Variants in DNAI7 observed in about 807,000 individuals in gnomAD.
DNAI7 encodes the protein dynein axonemal intermediate chain 7.
DNAI7 carries 78 observed loss-of-function variants against 86.6 expected under a neutral mutation model. That is an observed-to-expected ratio of 0.90 (90% CI 0.75 to 1.09). The LOEUF (loss-of-function observed/expected upper bound fraction) is 1.09, where lower values mean the gene tolerates loss of function less well. Among genes scored for constraint, DNAI7 ranks in the 50% least tolerant of loss-of-function variants. The pLI, the probability that DNAI7 is intolerant of heterozygous loss-of-function variation, is 0.00. For synonymous variants in DNAI7, 274 were observed against 273.0 expected (o/e 1.00, Z -0.04); for missense variants, 753 against 810.2 (o/e 0.93, Z 0.86).
At chr12:25,154,233 TG>T in intron 6 of DNAI7, 85 bp downstream of exon 6, 6 of 1,094,152 alleles carry the variant, frequency 5.5e-6, no homozygotes, top group Non-Finnish European at 6.5e-6. Context: ...TGTTATTACT[TG>T]GCAAATGATA....
chr12:25,180,635 C>T (rs1333974612), intron 2 of DNAI7, among the ~76,000 whole-genome samples: 2 of 152,146 alleles, frequency 1.3e-5, no homozygotes, highest in South Asian at 2.1e-4. Context: ...CATACACCTA[C>T]AACCAACTGA....
chr12:25,110,362 A>G (rs1257431435), intron 14 of DNAI7, 122 bp from the exon 15 acceptor site: 4 of 635,038 alleles, frequency 6.3e-6, no homozygotes, highest in Admixed American at 2.7e-5. Context: ...AAGTCAGAGT[A>G]CATGACTCCT....
chr12:25,183,706 G>A (rs1372236467), intron 2 of DNAI7, among the ~76,000 whole-genome samples: 1 of 151,874 alleles, frequency 6.6e-6, no homozygotes, highest in Non-Finnish European at 1.5e-5. Flanking sequence ...CATATTGCTG[G>A]AATCTTTATT....
At chr12:25,126,483 T>C (rs1486217520) in intron 9 of DNAI7, among the ~76,000 whole-genome samples, 1 of 151,900 alleles carries the variant, frequency 6.6e-6, no homozygotes, top group African/African-American at 2.4e-5. Flanking sequence ...TAGAAGGAGC[T>C]TATAGGAGAG....
chr12:25,180,713 A>G (rs1179215705), intron 2 of DNAI7, among the ~76,000 whole-genome samples: 1 of 152,226 alleles, frequency 6.6e-6, no homozygotes, highest in Non-Finnish European at 1.5e-5. Context: ...AAATGATGCT[A>G]GGAAAACTGG....
intron 1 of DNAI7, chr12:25,192,601 G>A (rs1385002395): frequency 2.0e-5 from 3 of 151,828 alleles, no homozygotes; most frequent in Non-Finnish European, 2.9e-5. Flanking sequence ...CCGAGGCAGG[G>A]GGATCACCTG....
intron 8 of DNAI7, among the ~76,000 whole-genome samples, chr12:25,146,700 G>A (rs1001503919): frequency 6.6e-6 from 1 of 152,100 alleles, no homozygotes; most frequent in Admixed American, 6.6e-5. Flanking sequence ...TTTAATGAGT[G>A]TATATTTGTA....
chr12:25,154,390 TA>T lies in DNAI7; in HGVS notation c.366del (p.Phe122LeufsTer16). 6.2e-7 allele frequency: 1 copy of T among 1,612,136 alleles called. No homozygotes were observed. Among genetic ancestry groups the T allele is most frequent in the Non-Finnish European group, 8.5e-7 (1 of 1,179,442 alleles). On this transcript the variant is annotated frameshift_variant, in exon 6 of 16. Transcript: ENST00000395987. LOFTEE classifies it high-confidence loss of function. ...DPSVAQEMNT[F>X]ISLWKEKTNE... Reference sequence around the variant, plus strand: ...TTTGTTTTCTCTTTCCACAAACTAATAAACGTGTTCATTTCTTGGGCTACTG... The same window carrying T: ...TTTGTTTTCTCTTTCCACAAACTAATAACGTGTTCATTTCTTGGGCTACTG...
Position 25,108,595 on chromosome 12 carries a change from A to AGTT in DNAI7, c.2119_2121dup (p.Asn707dup). On this transcript the variant is annotated inframe_insertion, in exon 16 of 16. Transcript: ENST00000395987. ...GTAGAGAGCAGCATGTGGCACACAG[A>AGTT]GTTGACAAACTGACAGTTGGAACTC... 1 of 1,613,940 alleles carries AGTT rather than the reference A, an allele frequency of 6.2e-7. No individual in the cohort carries two copies. Among genetic ancestry groups the AGTT allele is most frequent in the Non-Finnish European group, 8.5e-7 (1 of 1,179,932 alleles).
intron 8 of DNAI7, 152 bp downstream of exon 8, chr12:25,146,849 G>T (rs918233153): frequency 3.5e-6 from 2 of 569,618 alleles, no homozygotes; most frequent in Non-Finnish European, 6.2e-6. Context: ...GAAAATGGCG[G>T]GTTTCTGATT....
intron 15 of DNAI7, 62 bp downstream of exon 15, chr12:25,110,065 C>A: frequency 3.7e-6 from 3 of 807,656 alleles, no homozygotes; most frequent in South Asian, 1.5e-5. Flanking sequence ...TTCATTTAGT[C>A]TTTGAGTACT....
chr12:25,162,107 T>C (rs1372797107), intron 2 of DNAI7, among the ~76,000 whole-genome samples: 2 of 151,506 alleles, frequency 1.3e-5, no homozygotes, highest in Non-Finnish European at 2.9e-5. Context: ...CAAGGGAAGA[T>C]ATCCCAAAAA....
At chr12:25,171,206 A>G (rs150178312) in intron 2 of DNAI7, among the ~76,000 whole-genome samples, 7,089 of 152,272 alleles carry the variant, frequency 0.047, 225 homozygotes, top group Non-Finnish European at 0.072. Flanking sequence ...GAAAAGATAA[A>G]TAAAATTGAT....
intron 6 of DNAI7, 30 bp downstream of exon 6, chr12:25,154,289 C>T: frequency 6.4e-7 from 1 of 1,551,034 alleles, no homozygotes; most frequent in Non-Finnish European, 8.7e-7. Flanking sequence ...TTGTAATAGC[C>T]AGTTTATAGG....
intron 8 of DNAI7, 60 bp downstream of exon 8, chr12:25,146,941 C>A: frequency 1.1e-6 from 1 of 879,374 alleles, no homozygotes. Flanking sequence ...ATCTGGCAAT[C>A]ATGATGTGGC....
At chr12:25,159,928 G>C (rs949485129) in intron 3 of DNAI7, among the ~76,000 whole-genome samples, 8 of 152,040 alleles carry the variant, frequency 5.3e-5, no homozygotes, top group Admixed American at 1.3e-4. Context: ...TTTTATCAAT[G>C]TTTAATCAGT....
At chr12:25,192,664 C>G (rs981917190) in intron 1 of DNAI7, 5 of 151,730 alleles carry the variant, frequency 3.3e-5, no homozygotes, top group Admixed American at 2.0e-4. Context: ...ACTAAAAATA[C>G]AAAAATTAGC....
At chr12:25,176,227 T>C (rs1268489930) in intron 2 of DNAI7, among the ~76,000 whole-genome samples, 2 of 152,184 alleles carry the variant, frequency 1.3e-5, no homozygotes. Flanking sequence ...CAGAATCTTA[T>C]CCTAATGTAA....
At chr12:25,113,409 C>T (rs1241960692) in intron 13 of DNAI7, among the ~76,000 whole-genome samples, 1 of 152,094 alleles carries the variant, frequency 6.6e-6, no homozygotes, top group Non-Finnish European at 1.5e-5. Flanking sequence ...TCAAGCGATT[C>T]TTCCGCCTCG....
Sources: allele counts gnomAD v4.1 joint callset (sites outside exome capture counted in the v4.1 genomes callset), GRCh38; gene constraint gnomAD v4.1.1; transcripts MANE v1.5; gene names NCBI Gene and HGNC (gene_info 2026-07-23, HGNC 2026-07-21).